Variants in NCOA2 observed in about 807,000 individuals in gnomAD.
NCOA2 encodes the protein nuclear receptor coactivator 2, also known as class E basic helix-loop-helix protein 75.
Under a neutral mutation model 145.1 loss-of-function variants are expected in NCOA2, and 21 were observed. The ratio of observed to expected loss-of-function variants is 0.14; its 90% CI spans 0.10 to 0.21. NCOA2 has a LOEUF of 0.21. Ranked by LOEUF, NCOA2 falls within the 10% of genes least tolerant of loss-of-function variation. NCOA2 has a pLI of 1.00. For synonymous variants in NCOA2, 619 were observed against 637.5 expected, an observed-to-expected ratio of 0.97 and a Z score of 0.44; for missense variants, 1,472 against 1,837.6, an observed-to-expected ratio of 0.80 and a Z score of 3.64.
chr8:70,184,204 G>A (rs528867278), intron 4 of NCOA2, among the ~76,000 whole-genome samples: 1 of 152,228 alleles, frequency 6.6e-6, no homozygotes, highest in East Asian at 1.9e-4. Context: ...AGTCACCAAG[G>A]CTTTCTCTAC....
intron 11 of NCOA2, among the ~76,000 whole-genome samples, chr8:70,153,449 A>C (rs1444093413): frequency 1.3e-5 from 2 of 152,238 alleles, no homozygotes; most frequent in African/African-American, 4.8e-5. Flanking sequence ...GTCTGAAGTT[A>C]GTGCAATCAC....
intron 1 of NCOA2, among the ~76,000 whole-genome samples, chr8:70,375,948 G>A (rs942851694): frequency 6.6e-6 from 1 of 152,132 alleles, no homozygotes; most frequent in South Asian, 2.1e-4. Flanking sequence ...GACAATAAGA[G>A]TCACCGAAGA....
At chr8:70,322,077 T>C (rs547196677) in intron 1 of NCOA2, among the ~76,000 whole-genome samples, 1 of 151,846 alleles carries the variant, frequency 6.6e-6, no homozygotes, top group African/African-American at 2.4e-5. Context: ...AATTATGCCA[T>C]TGCACTCCAG....
chr8:70,334,094 A>T (rs1807347030), intron 1 of NCOA2, among the ~76,000 whole-genome samples: 2 of 152,092 alleles, frequency 1.3e-5, no homozygotes, highest in South Asian at 2.1e-4. Context: ...TCTGCTCAGA[A>T]CTCTTTCAAT....
At position 70,137,735 on chromosome 8, in the gene NCOA2, C is replaced by T. The variant is rs879344780; in HGVS notation, c.3158+468G>A. ...ACTGCCCTTGGCAGCCAGTTTGGGA[C>T]GAGCCACACCGCCTGCCTGAGGTTC... is the stretch of plus-strand genomic sequence containing the variant. On this transcript the variant is annotated intron_variant, in intron 15 of 22. Transcript: ENST00000452400. Among the ~76,000 whole-genome samples the T allele has an allele frequency of 1.1e-4, 17 of 152,326 alleles. No homozygotes were observed. In the East Asian group the frequency reaches 2.1e-3, roughly 19 times the overall value.
intron 1 of NCOA2, among the ~76,000 whole-genome samples, chr8:70,383,746 C>G (rs927301449): frequency 6.6e-6 from 1 of 152,196 alleles, no homozygotes; most frequent in African/African-American, 2.4e-5. Context: ...CTCAGGTGAT[C>G]CGCCCACCTC....
intron 4 of NCOA2, among the ~76,000 whole-genome samples, chr8:70,207,500 T>C (rs1462761088): frequency 3.3e-5 from 5 of 152,200 alleles, no homozygotes; most frequent in Admixed American, 3.3e-4. Context: ...TATAAGCCAT[T>C]AAGCCACATG....
intron 1 of NCOA2, among the ~76,000 whole-genome samples, chr8:70,347,645 C>A (rs548928937): frequency 1.3e-5 from 2 of 151,974 alleles, no homozygotes; most frequent in African/African-American, 4.8e-5. Flanking sequence ...GGTGACAAAG[C>A]GAGACCTTGT....
In NCOA2 at chr8:70,144,907, A is replaced by G. The variant is rs139863767; in HGVS notation, c.2606-59T>C. 3.2e-4 allele frequency: 458 copies of G among 1,450,504 alleles called. 1 individual carries two copies. In the Middle Eastern group the frequency reaches 4.5e-3, roughly 14 times the overall value. The allele number at this position is 1,450,504 out of a possible 1,614,324, so 89.9% of individuals were successfully genotyped here. A position where few individuals can be genotyped will look rare whatever the true frequency, so the allele number is the denominator to read the frequency against. On this transcript the variant is annotated intron_variant, in intron 12 of 22. Transcript: ENST00000452400. Reference sequence around the variant, plus strand: ...TATAGGATAATGGAAAATAATATTAACAGTAGTGTTTAGGGACAATGTCTG... The same window carrying G: ...TATAGGATAATGGAAAATAATATTAGCAGTAGTGTTTAGGGACAATGTCTG...
At chr8:70,221,110 G>GCT (rs747207566) in intron 2 of NCOA2, among the ~76,000 whole-genome samples, 9 of 152,300 alleles carry the variant, frequency 5.9e-5, no homozygotes, top group South Asian at 2.1e-4. Flanking sequence ...AAGACTTAGA[G>GCT]ATTTCCGAGG....
At chr8:70,258,004 G>A (rs1196000440) in intron 2 of NCOA2, among the ~76,000 whole-genome samples, 5 of 151,820 alleles carry the variant, frequency 3.3e-5, no homozygotes, top group African/African-American at 4.8e-5. Flanking sequence ...TGTAACCTCC[G>A]CCTTCTAGGC....
intron 1 of NCOA2, among the ~76,000 whole-genome samples, chr8:70,311,330 A>T (rs537732855): frequency 6.6e-6 from 1 of 152,210 alleles, no homozygotes; most frequent in Non-Finnish European, 1.5e-5. Flanking sequence ...CGCACAGATG[A>T]CAATGAAGCA....
At chr8:70,298,861 A>T (rs1827281756) in intron 1 of NCOA2, among the ~76,000 whole-genome samples, 1 of 152,122 alleles carries the variant, frequency 6.6e-6, no homozygotes, top group Non-Finnish European at 1.5e-5. Context: ...GGAGATCAAG[A>T]CCATCCCGGC....
intron 19 of NCOA2, chr8:70,126,562 G>A (rs1000373984): frequency 2.4e-5 from 13 of 531,842 alleles, no homozygotes; most frequent in African/African-American, 1.3e-4. Flanking sequence ...CACTTACTTC[G>A]GTCATTCTTA....
intron 3 of NCOA2, among the ~76,000 whole-genome samples, chr8:70,214,311 C>T (rs1586128715): frequency 1.3e-5 from 2 of 152,296 alleles, no homozygotes; most frequent in African/African-American, 4.8e-5. Flanking sequence ...GCGTCTCCCA[C>T]TGGACTGTCC....
intron 19 of NCOA2, 147 bp downstream of exon 19, chr8:70,126,666 G>T: frequency 1.4e-6 from 1 of 707,286 alleles, no homozygotes; most frequent in Non-Finnish European, 2.5e-6. Context: ...GGCCCCAACT[G>T]TCCTCCCAGG....
intron 21 of NCOA2, among the ~76,000 whole-genome samples, chr8:70,123,587 T>A (rs1005737712): frequency 7.3e-5 from 11 of 151,588 alleles, no homozygotes; most frequent in African/African-American, 2.7e-4. Flanking sequence ...CACTATTTCA[T>A]CTTTAGAGAT....
chr8:70,375,263 T>A (rs1462238985), intron 1 of NCOA2, among the ~76,000 whole-genome samples: 1 of 152,204 alleles, frequency 6.6e-6, no homozygotes, highest in Non-Finnish European at 1.5e-5. Context: ...TGCTATTAGT[T>A]AAACTGATGC....
intron 2 of NCOA2, among the ~76,000 whole-genome samples, chr8:70,255,420 G>A (rs1168760615): frequency 6.6e-6 from 1 of 152,118 alleles, no homozygotes; most frequent in South Asian, 2.1e-4. Context: ...TTAGATCCAC[G>A]CTTTAAGCAA....
Sources: gnomAD v4.1 joint callset for allele counts (sites outside exome capture counted in the v4.1 genomes callset) on GRCh38, gnomAD v4.1.1 for gene constraint, MANE v1.5 for transcripts, NCBI Gene and HGNC (gene_info 2026-07-23, HGNC 2026-07-21) for gene names.